CALM3: variants seen among roughly 807,000 people sequenced by gnomAD.
CALM3 encodes the protein calmodulin 3.
CALM3 carries 5 observed loss-of-function variants against 20.1 expected under a neutral mutation model. The observed-to-expected ratio is 0.25, with a 90% CI of 0.13 to 0.52. The LOEUF is 0.52. CALM3 is among the 20% of genes least tolerant of loss of function. CALM3 has a pLI of 0.96. For synonymous variants in CALM3, 69 were observed against 68.1 expected (o/e 1.01, Z -0.06); for missense variants, 57 against 192.8 (o/e 0.30, Z 4.17).
chr19:46,605,679 A>G lies in CALM3; in HGVS notation c.4-148A>G. ...TATCATCAGGCGCTGGCTCTGCCTC[A>G]GACCCTGACTCTGGCATGCTCCTCC... On this transcript the variant is annotated intron_variant, in intron 1 of 5. Transcript: ENST00000291295. The surrounding 1 kb of genome is among the most constrained non-coding windows in gnomAD (Gnocchi z 4.1). 1.4e-6 allele frequency: 1 copy of G among 705,254 alleles called. No homozygotes were observed. Among genetic ancestry groups the G allele is most frequent in the Non-Finnish European group, 2.5e-6 (1 of 401,720 alleles). 43.7% of individuals were successfully genotyped at this position (705,254 alleles called of 1,614,324 possible).
chr19:46,603,815 C>T (rs1019914035), intron 1 of CALM3, among the ~76,000 whole-genome samples: 2 of 152,294 alleles, frequency 1.3e-5, no homozygotes, highest in Middle Eastern at 3.4e-3. Context: ...TGCAGAGCCA[C>T]GCCTATTTGC....
At chr19:46,602,647 G>A (rs950897661) in intron 1 of CALM3, 1 of 190,306 alleles carries the variant, frequency 5.3e-6, no homozygotes, top group Non-Finnish European at 1.1e-5. Flanking sequence ...CAGGTGGGCG[G>A]AGCTGTTCGG....
chr19:46,601,368 C>T lies in CALM3; in HGVS notation c.-67C>T. 2 of 1,483,014 alleles carry T rather than the reference C, an allele frequency of 1.3e-6. No individual in the cohort carries two copies. The highest frequency in any genetic ancestry group is 2.9e-5 in the East Asian group (1 of 34,578). 91.9% of individuals were successfully genotyped at this position (1,483,014 alleles called of 1,614,324 possible). On this transcript the variant is annotated 5_prime_UTR_variant, in exon 1 of 6. Transcript: ENST00000291295. This position sits in a 1 kb window ranked among gnomAD's most constrained non-coding sequence, Gnocchi z 4.2. ...GCGCGGACGCGCGGCGGAGCTGGAA[C>T]TGCTGCAGCTGCTGCCGCCGCCGGA... is the stretch of plus-strand genomic sequence containing the variant.
At chr19:46,602,889 G>T (rs768743740) in intron 1 of CALM3, among the ~76,000 whole-genome samples, 3 of 152,184 alleles carry the variant, frequency 2.0e-5, no homozygotes, top group Non-Finnish European at 4.4e-5. Flanking sequence ...ACAGTGTGGC[G>T]TCAGTGACAA....
chr19:46,603,366 A>G (rs1354452162), intron 1 of CALM3, among the ~76,000 whole-genome samples: 3 of 152,202 alleles, frequency 2.0e-5, no homozygotes, highest in Admixed American at 2.0e-4. Context: ...TAGAGGTGGG[A>G]CAAGTCACTG....
rs1468653143 is a variant in CALM3, at chr19:46,608,760, G to C, written c.286-86G>C. ...CCTCCCTCACTGTGCTCACTGCTGA[G>C]GGATGGTGATGACAGCCACCCCTCT... On this transcript the variant is annotated intron_variant, in intron 4 of 5. Transcript: ENST00000291295. This position sits in a 1 kb window ranked among gnomAD's most constrained non-coding sequence, Gnocchi z 5.5. 7.0e-7 allele frequency: 1 copy of C among 1,437,918 alleles called. No homozygotes were observed. Among genetic ancestry groups the C allele is most frequent in the East Asian group, 2.4e-5 (1 of 41,808 alleles). The allele number at this position is 1,437,918 out of a possible 1,614,324, so 89.1% of individuals were successfully genotyped here. A position where few individuals can be genotyped will look rare whatever the true frequency, so the allele number is the denominator to read the frequency against.
In CALM3 at chr19:46,609,331, T is replaced by G; in HGVS notation, c.*178T>G. 1 of 662,608 alleles carries G rather than the reference T, an allele frequency of 1.5e-6. No homozygotes were observed. Among genetic ancestry groups the G allele is most frequent in the Non-Finnish European group, 2.7e-6 (1 of 372,012 alleles). The allele number at this position is 662,608 out of a possible 1,614,324, so 41.0% of individuals were successfully genotyped here. ...GCTGCATGATTGCTCTTTCTCCTTC[T>G]TCCCTGAGTCTCTCTCCATGCCCCT... On this transcript the variant is annotated 3_prime_UTR_variant, in exon 6 of 6. Transcript: ENST00000291295.
rs529046472 is a variant in CALM3 at position 46,601,876 on chromosome 19, A to G, written c.3+439A>G. Among the ~76,000 whole-genome samples the G allele has an allele frequency of 1.2e-3, 174 of 149,716 alleles. 1 individual carries two copies. Among genetic ancestry groups the G allele is most frequent in the Middle Eastern group, 6.8e-3 (2 of 294 alleles). ...GATGAAGGCGTTTGGTCCTGAGAGG[A>G]TGCGGGGAACGGGGGACGAAGGGAG... is the stretch of plus-strand genomic sequence containing the variant. On this transcript the variant is annotated intron_variant, in intron 1 of 5. Transcript: ENST00000291295. The surrounding 1 kb of genome is among the most constrained non-coding windows in gnomAD (Gnocchi z 4.2).
chr19:46,609,229 C>A lies in CALM3; in HGVS notation c.*76C>A. The A allele has an allele frequency of 7.7e-7, 1 of 1,290,592 alleles. No individual in the cohort carries two copies. The highest frequency in any genetic ancestry group is 1.1e-6 in the Non-Finnish European group (1 of 901,286). 79.9% of individuals were successfully genotyped at this position (1,290,592 alleles called of 1,614,324 possible). Reference sequence around the variant, plus strand: ...GCGCGCGCACTCTCTCTTCAACACTCCCCTGCGTACCCCGGTTCTAGCAAA... The same window carrying A: ...GCGCGCGCACTCTCTCTTCAACACTACCCTGCGTACCCCGGTTCTAGCAAA... On this transcript the variant is annotated 3_prime_UTR_variant, in exon 6 of 6. Coordinates refer to ENST00000291295, the MANE Select transcript of CALM3 (RefSeq NM_005184.4).
chr19:46,606,106 G>C lies in CALM3; in HGVS notation c.34+249G>C, dbSNP rs1971737169. On this transcript the variant is annotated intron_variant, in intron 2 of 5. Transcript: ENST00000291295. ...AGGCTGTGTTCCTCTCCTGGGCCTGGGTCATCTAGGGGCTTGATATCAGTG... is the reference window on the plus strand; with the variant it reads ...AGGCTGTGTTCCTCTCCTGGGCCTGCGTCATCTAGGGGCTTGATATCAGTG... 8.7e-6 allele frequency: 4 copies of C among 460,996 alleles called. 1 individual carries two copies. The highest frequency in any genetic ancestry group is 8.7e-5 in the East Asian group (2 of 22,944). 28.6% of individuals were successfully genotyped at this position (460,996 alleles called of 1,614,324 possible).
At position 46,608,387 on chromosome 19, in the gene CALM3, A is replaced by C. The variant is rs1303911976; in HGVS notation, c.178+47A>C. 6.2e-7 allele frequency: 1 copy of C among 1,611,938 alleles called. No homozygotes were observed. Among genetic ancestry groups the C allele is most frequent in the African/African-American group, 1.3e-5 (1 of 74,982 alleles). On this transcript the variant is annotated intron_variant, in intron 3 of 5. Coordinates refer to ENST00000291295, the MANE Select transcript of CALM3 (RefSeq NM_005184.4). This position sits in a 1 kb window ranked among gnomAD's most constrained non-coding sequence, Gnocchi z 5.5. ...GGCAGCCCTGCTCCTGGTCACCCCG[A>C]GTGACTGCAGGGAGCCTCTCTCAGG...
chr19:46,605,792 C>A lies in CALM3; in HGVS notation c.4-35C>A. 1 of 1,613,104 alleles carries A rather than the reference C, an allele frequency of 6.2e-7. No individual in the cohort carries two copies. The highest frequency in any genetic ancestry group is 8.5e-7 in the Non-Finnish European group (1 of 1,179,084). The stretch of plus-strand genomic sequence containing the variant: ...AGGAAGATGCGTCCGTGCTGTCCGG[C>A]CTGGTGACTGACTTTCCCCTTCATG... On this transcript the variant is annotated intron_variant, in intron 1 of 5. Coordinates refer to ENST00000291295, the MANE Select transcript of CALM3 (RefSeq NM_005184.4). The surrounding 1 kb of genome is among the most constrained non-coding windows in gnomAD (Gnocchi z 4.1).
In CALM3 at chr19:46,608,805, G is replaced by A. The variant is rs972668110; in HGVS notation, c.286-41G>A. On this transcript the variant is annotated intron_variant, in intron 4 of 5. Coordinates refer to ENST00000291295, the MANE Select transcript of CALM3 (RefSeq NM_005184.4). This position sits in a 1 kb window ranked among gnomAD's most constrained non-coding sequence, Gnocchi z 5.5. ...CCCTCTCACTGCCTCTCTCCCCACC[G>A]GGAGAAGTGCCCAGTGAAAGGCTTT... is the stretch of plus-strand genomic sequence containing the variant. 2 of 1,531,828 alleles carry A rather than the reference G, an allele frequency of 1.3e-6. No individual in the cohort carries two copies. Among genetic ancestry groups the A allele is most frequent in the Non-Finnish European group, 1.8e-6 (2 of 1,139,976 alleles). The allele number at this position is 1,531,828 out of a possible 1,614,324, so 94.9% of individuals were successfully genotyped here.
intron 1 of CALM3, among the ~76,000 whole-genome samples, chr19:46,604,486 A>C (rs1176787689): frequency 6.7e-6 from 1 of 149,194 alleles, no homozygotes; most frequent in East Asian, 2.0e-4. Flanking sequence ...CTCTGTGATC[A>C]TCATTTTGAT....
Position 46,605,882 on chromosome 19 carries a change from T to G in CALM3, c.34+25T>G. The G allele has an allele frequency of 6.2e-7, 1 of 1,613,224 alleles. No homozygotes were observed. Among genetic ancestry groups the G allele is most frequent in the Non-Finnish European group, 8.5e-7 (1 of 1,179,200 alleles). On this transcript the variant is annotated intron_variant, in intron 2 of 5. Coordinates refer to ENST00000291295, the MANE Select transcript of CALM3 (RefSeq NM_005184.4). The surrounding 1 kb of genome is among the most constrained non-coding windows in gnomAD (Gnocchi z 4.1). ...GGTGAGTCTGCTATCCCCCTCATCTTAGCTCAGGAAAGCCTCCACATCCCC... is the reference window on the plus strand; with the variant it reads ...GGTGAGTCTGCTATCCCCCTCATCTGAGCTCAGGAAAGCCTCCACATCCCC...
At position 46,608,884 on chromosome 19, in the gene CALM3, C is replaced by T. The variant is rs45587137; in HGVS notation, c.324C>T (p.His108=). The T allele has an allele frequency of 2.6e-5, 42 of 1,600,236 alleles. No homozygotes were observed. Among genetic ancestry groups the T allele is most frequent in the South Asian group, 2.0e-4 (18 of 88,412 alleles). ...NGYISAAELR[H]VMTNLGEKLT... The stretch of plus-strand genomic sequence containing the variant: ...ACATCAGCGCCGCAGAGCTGCGTCA[C>T]GTAATGACGAACCTGGGGGAGAAGC... The change falls in exon 5 of 6, where the codon CAC becomes CAT. Residue 108 remains histidine (H), a synonymous_variant. Transcript: ENST00000291295. The surrounding 1 kb of genome is among the most constrained non-coding windows in gnomAD (Gnocchi z 5.5).
rs202189304 is a variant in CALM3, at chr19:46,608,902, G to A, written c.342G>A (p.Gly114=). Residue 114 remains glycine, a synonymous_variant, in exon 5 of 6, where the codon GGG becomes GGA. Transcript: ENST00000291295. This position sits in a 1 kb window ranked among gnomAD's most constrained non-coding sequence, Gnocchi z 5.5. ...TGCGTCACGTAATGACGAACCTGGG[G>A]GAGAAGCTGACCGATGAGGAGGTGG... ...AELRHVMTNL[G]EKLTDEEVDE... The A allele has an allele frequency of 1.9e-6, 3 of 1,607,832 alleles. No homozygotes were observed. The highest frequency in any genetic ancestry group is 2.5e-6 in the Non-Finnish European group (3 of 1,177,082).
intron 1 of CALM3, chr19:46,602,359 G>T: frequency 2.5e-6 from 1 of 397,866 alleles, no homozygotes; most frequent in Non-Finnish European, 4.5e-6. Context: ...TGTTGTGTTT[G>T]GGTCCAAGAG....
In CALM3 at chr19:46,601,975, T is replaced by C; in HGVS notation, c.3+538T>C. On this transcript the variant is annotated intron_variant, in intron 1 of 5. Coordinates refer to ENST00000291295, the MANE Select transcript of CALM3 (RefSeq NM_005184.4). This position sits in a 1 kb window ranked among gnomAD's most constrained non-coding sequence, Gnocchi z 4.2. ...GGGAGGGGCGACCCCTGGGCTCCTG[T>C]GGAGCAGAGGAGAGGGTCAAGGATG... is the stretch of plus-strand genomic sequence containing the variant. The C allele has an allele frequency of 1.6e-6, 1 of 618,016 alleles. No homozygotes were observed. The highest frequency in any genetic ancestry group is 2.3e-6 in the Non-Finnish European group (1 of 442,464). 38.3% of individuals were successfully genotyped at this position (618,016 alleles called of 1,614,324 possible). A position where few individuals can be genotyped will look rare whatever the true frequency, so the allele number is the denominator to read the frequency against.
Sources: gnomAD v4.1 joint callset for allele counts (sites outside exome capture counted in the v4.1 genomes callset) on GRCh38, gnomAD v4.1.1 for gene constraint, Gnocchi (gnomAD v3.1) non-coding constraint, MANE v1.5 for transcripts, NCBI Gene and HGNC (gene_info 2026-07-23, HGNC 2026-07-21) for gene names.